FAM168A: variants seen among roughly 807,000 people sequenced by gnomAD.
FAM168A encodes the protein family with sequence similarity 168 member A.
FAM168A carries 3 observed loss-of-function variants against 28.5 expected under a neutral mutation model. That is an observed-to-expected ratio of 0.11 (90% confidence interval 0.05 to 0.27). The LOEUF (loss-of-function observed/expected upper bound fraction) is 0.27. FAM168A is among the 10% of genes least tolerant of loss of function. The pLI is 1.00. For missense variants in FAM168A, 222 were observed against 311.5 expected, an observed-to-expected ratio of 0.71 and a Z score of 2.16; for synonymous variants, 122 against 124.2, an observed-to-expected ratio of 0.98 and a Z score of 0.12.
chr11:73,554,656 A>G (rs942727481), intron 1 of FAM168A, among the ~76,000 whole-genome samples: 1 of 152,242 alleles, frequency 6.6e-6, no homozygotes, highest in Non-Finnish European at 1.5e-5. Flanking sequence ...TAAGATCATT[A>G]GAATCTCTGC....
Position 73,410,145 on chromosome 11 carries a change from G to C in FAM168A, c.421-484C>G, listed in dbSNP as rs568126763. 1.6e-3 allele frequency among the ~76,000 whole-genome samples: 241 copies of C among 152,074 alleles called. 1 individual carries two copies. The highest frequency in any genetic ancestry group is 5.3e-3 in the African/African-American group (222 of 41,496). ...ATGGCGGCTGGACACAGTGGCTCAC[G>C]TCTGTAGTTCCAGCACTTTGGAGGC... On this transcript the variant is annotated intron_variant, in intron 5 of 7. Transcript: ENST00000356467.
chr11:73,576,317 G>A (rs781314386), intron 1 of FAM168A, among the ~76,000 whole-genome samples: 2 of 152,176 alleles, frequency 1.3e-5, no homozygotes, highest in South Asian at 2.1e-4. Flanking sequence ...GAATGTTAGC[G>A]AAATTATTCA....
chr11:73,405,249 C>T lies in FAM168A; in HGVS notation c.*1514G>A, dbSNP rs1293949228. 6.6e-6 allele frequency: 1 copy of T among 152,234 alleles called. No individual in the cohort carries two copies. Among genetic ancestry groups the T allele is most frequent in the African/African-American group, 2.4e-5 (1 of 41,454 alleles). 9.4% of individuals were successfully genotyped at this position (152,234 alleles called of 1,614,324 possible). A position where few individuals can be genotyped will look rare whatever the true frequency, so the allele number is the denominator to read the frequency against. On this transcript the variant is annotated 3_prime_UTR_variant, in exon 8 of 8. Transcript: ENST00000356467. Reference sequence around the variant, plus strand: ...GATGTCTTCACAGAATTTCCAAATGCTATTTCTTCATTTGCAATTTCTGTT... The same window carrying T: ...GATGTCTTCACAGAATTTCCAAATGTTATTTCTTCATTTGCAATTTCTGTT...
At chr11:73,433,716 T>C (rs185877460) in intron 2 of FAM168A, among the ~76,000 whole-genome samples, 1 of 152,314 alleles carries the variant, frequency 6.6e-6, no homozygotes, top group Admixed American at 6.5e-5. Flanking sequence ...TTGCCTGTTT[T>C]AGTTGTTTGA....
chr11:73,515,522 A>G (rs1040481796), intron 1 of FAM168A, among the ~76,000 whole-genome samples: 1 of 151,446 alleles, frequency 6.6e-6, no homozygotes, highest in African/African-American at 2.4e-5. Flanking sequence ...AAAAAAAAAA[A>G]AAAGAAAAGA....
intron 1 of FAM168A, among the ~76,000 whole-genome samples, chr11:73,531,329 A>G (rs1401143841): frequency 1.3e-5 from 2 of 152,228 alleles, no homozygotes; most frequent in Non-Finnish European, 2.9e-5. Flanking sequence ...CTAAAGTAGA[A>G]AGCAATACAG....
intron 1 of FAM168A, among the ~76,000 whole-genome samples, chr11:73,482,249 C>A (rs1867977876): frequency 6.9e-6 from 1 of 145,352 alleles, no homozygotes; most frequent in South Asian, 2.2e-4. Flanking sequence ...AAGGGACTAC[C>A]CTAGAAATGC....
chr11:73,526,718 T>G lies in FAM168A; in HGVS notation c.-18-58226A>C, dbSNP rs372521285. ...CTAAACATCTTGTGAAATAAACAAC[T>G]AATTTCCCCAAAGAACTACAGGAAG... On this transcript the variant is annotated intron_variant, in intron 1 of 7. Transcript: ENST00000356467. Among the ~76,000 whole-genome samples, 44 of 152,144 alleles carry G rather than the reference T, an allele frequency of 2.9e-4. 1 individual carries two copies. The South Asian group carries it at 8.7e-3, about 30-fold the overall frequency.
chr11:73,550,867 G>C (rs778896002), intron 1 of FAM168A, among the ~76,000 whole-genome samples: 2 of 152,044 alleles, frequency 1.3e-5, no homozygotes, highest in Non-Finnish European at 2.9e-5. Flanking sequence ...CCAGCACTTT[G>C]GGAGGCCGAG....
intron 4 of FAM168A, among the ~76,000 whole-genome samples, chr11:73,414,307 G>A (rs544528758): frequency 6.6e-6 from 1 of 152,320 alleles, no homozygotes; most frequent in East Asian, 1.9e-4. Context: ...GGTAGTCACT[G>A]ACAGAGAGCA....
rs34994742 is a variant in FAM168A at position 73,433,076 on chromosome 11, CTTTTTTTTTTTTTTTTTTT to C, written c.71-2325_71-2307del. Among the ~76,000 whole-genome samples the C allele has an allele frequency of 3.7e-5, 3 of 80,602 alleles. No individual in the cohort carries two copies. The East Asian group carries it at 8.0e-4, about 21-fold the overall frequency. 52.9% of individuals were successfully genotyped at this position (80,602 alleles called of 152,430 possible). On this transcript the variant is annotated intron_variant, in intron 2 of 7. Transcript: ENST00000356467. ...ACAGGTGCGTGCCACCACGCCCCGC[CTTTTTTTTTTTTTTTTTTT>C]TTTTTTTTTTGTAGAGACGGGGGTC...
chr11:73,529,790 TTTC>T (rs772614994), intron 1 of FAM168A, among the ~76,000 whole-genome samples: 1 of 142,772 alleles, frequency 7.0e-6, no homozygotes, highest in Non-Finnish European at 1.5e-5. Context: ...CAAACAACTT[TTTC>T]TTCTTTTTTT....
intron 1 of FAM168A, among the ~76,000 whole-genome samples, chr11:73,536,394 T>G (rs929694490): frequency 6.6e-6 from 1 of 152,102 alleles, no homozygotes; most frequent in African/African-American, 2.4e-5. Flanking sequence ...TGAGAATAAA[T>G]AGGCCTCCCC....
intron 2 of FAM168A, among the ~76,000 whole-genome samples, chr11:73,432,760 C>T (rs1030321810): frequency 7.2e-5 from 11 of 151,966 alleles, no homozygotes; most frequent in Admixed American, 6.6e-5. Context: ...AAAAAAATAA[C>T]AAAAATTAGC....
In FAM168A at chr11:73,405,240, T is replaced by G. The variant is rs2134472111; in HGVS notation, c.*1523A>C. 6.6e-6 allele frequency: 1 copy of G among 152,336 alleles called. No individual in the cohort carries two copies. Among genetic ancestry groups the G allele is most frequent in the Non-Finnish European group, 1.5e-5 (1 of 68,036 alleles). The allele number at this position is 152,336 out of a possible 1,614,324, so 9.4% of individuals were successfully genotyped here. ...GAAGTTCCAGATGTCTTCACAGAAT[T>G]TCCAAATGCTATTTCTTCATTTGCA... On this transcript the variant is annotated 3_prime_UTR_variant, in exon 8 of 8. Transcript: ENST00000356467.
intron 1 of FAM168A, among the ~76,000 whole-genome samples, chr11:73,557,564 A>C (rs968216867): frequency 6.6e-6 from 1 of 152,190 alleles, no homozygotes; most frequent in Non-Finnish European, 1.5e-5. Context: ...TCCTGTATTC[A>C]TGAATTGGAA....
chr11:73,522,778 C>T (rs112197510), intron 1 of FAM168A, among the ~76,000 whole-genome samples: 42 of 151,784 alleles, frequency 2.8e-4, no homozygotes, highest in African/African-American at 9.9e-4. Flanking sequence ...TTTGGGAGGT[C>T]AAGGAGGGTG....
intron 1 of FAM168A, among the ~76,000 whole-genome samples, chr11:73,521,550 G>A (rs1028302803): frequency 9.2e-5 from 14 of 152,194 alleles, no homozygotes; most frequent in African/African-American, 3.1e-4. Flanking sequence ...AGATGGAGAG[G>A]TAGGGGATAA....
At chr11:73,485,204 T>C (rs948054245) in intron 1 of FAM168A, among the ~76,000 whole-genome samples, 63 of 152,198 alleles carry the variant, frequency 4.1e-4, no homozygotes, top group African/African-American at 1.4e-3. Flanking sequence ...AGTCATTCCA[T>C]TGACCAAGTT....
Sources: allele counts gnomAD v4.1 joint callset (sites outside exome capture counted in the v4.1 genomes callset), GRCh38; gene constraint gnomAD v4.1.1; transcripts MANE v1.5; gene names NCBI Gene and HGNC (gene_info 2026-07-23, HGNC 2026-07-21).